WSB2: variants seen among roughly 807,000 people sequenced by gnomAD.
The protein encoded by WSB2 is WD repeat and SOCS box containing 2, also known as WD repeat and SOCS box-containing protein 2.
WSB2 carries 12 observed loss-of-function variants against 48.8 expected under a neutral mutation model. The ratio of observed to expected loss-of-function variants is 0.25; its 90% CI spans 0.16 to 0.40. WSB2 has a LOEUF of 0.40. Among genes scored for constraint, WSB2 ranks in the 10% least tolerant of loss-of-function variants. WSB2 has a pLI of 1.00. For missense variants in WSB2, 317 were observed against 506.2 expected, an observed-to-expected ratio of 0.63 and a Z score of 3.59; for synonymous variants, 191 against 203.1, an observed-to-expected ratio of 0.94 and a Z score of 0.51.
At chr12:118,039,540 T>C (rs1488507284) in intron 4 of WSB2, among the ~76,000 whole-genome samples, 1 of 151,938 alleles carries the variant, frequency 6.6e-6, no homozygotes, top group African/African-American at 2.4e-5. Context: ...TGGAAGGGTA[T>C]ATACTCCTAA....
In WSB2 at chr12:118,034,788, A is replaced by G; in HGVS notation, c.1052+198T>C. On this transcript the variant is annotated intron_variant, in intron 8 of 8. Coordinates refer to ENST00000315436, the MANE Select transcript of WSB2 (RefSeq NM_018639.5). ...AGGTGGCATGACTTACAGATCTTTA[A>G]TTACATTTAGGTTAAATATTCAGAG... is the stretch of plus-strand genomic sequence containing the variant. 5.1e-6 allele frequency: 3 copies of G among 585,966 alleles called. No homozygotes were observed. In the South Asian group the frequency reaches 7.2e-5, roughly 14 times the overall value. The allele number at this position is 585,966 out of a possible 1,614,324, so 36.3% of individuals were successfully genotyped here.
At position 118,061,097 on chromosome 12, in the gene WSB2, C is replaced by G. The variant is rs1215375128; in HGVS notation, c.-49G>C. ...GCAGGCGGCGGGCGCCTCAGCCCCC[C>G]GGGCCGCGGGCCCTCATGCCGCCCC... On this transcript the variant is annotated 5_prime_UTR_variant, in exon 1 of 9. Transcript: ENST00000315436. The G allele has an allele frequency of 1.4e-5, 14 of 980,668 alleles. No homozygotes were observed. Among genetic ancestry groups the G allele is most frequent in the Admixed American group, 6.3e-5 (1 of 15,768 alleles). 60.7% of individuals were successfully genotyped at this position (980,668 alleles called of 1,614,324 possible).
In WSB2 at chr12:118,042,560, A is replaced by G. The variant is rs1187377277; in HGVS notation, c.559+281T>C. 1.2e-5 allele frequency: 4 copies of G among 339,278 alleles called. No homozygotes were observed. In the South Asian group the frequency reaches 1.7e-4, roughly 15 times the overall value. The allele number at this position is 339,278 out of a possible 1,614,324, so 21.0% of individuals were successfully genotyped here. A position where few individuals can be genotyped will look rare whatever the true frequency, so the allele number is the denominator to read the frequency against. ...ACATTTTTTTACATACAAAGCATAG[A>G]CATGCATTCAGCACATAAGTAGATA... On this transcript the variant is annotated intron_variant, in intron 4 of 8. Transcript: ENST00000315436.
At chr12:118,056,712 C>G (rs1450219641) in intron 1 of WSB2, among the ~76,000 whole-genome samples, 2 of 152,096 alleles carry the variant, frequency 1.3e-5, no homozygotes, top group Non-Finnish European at 2.9e-5. Context: ...ACCAGCCTGG[C>G]CAACGTGGTG....
chr12:118,047,593 C>A (rs140869577), intron 2 of WSB2, among the ~76,000 whole-genome samples: 1 of 152,128 alleles, frequency 6.6e-6, no homozygotes, highest in Non-Finnish European at 1.5e-5. Context: ...CAGGGTGTGG[C>A]GGCTACGCCT....
intron 8 of WSB2, 170 bp from the exon 9 acceptor site, chr12:118,034,528 C>T: frequency 1.3e-6 from 1 of 744,714 alleles, no homozygotes; most frequent in Non-Finnish European, 2.1e-6. Flanking sequence ...ATAATTAAAG[C>T]TGCTGATAGG....
chr12:118,035,158 G>A lies in WSB2; in HGVS notation c.944+56C>T, dbSNP rs1008438807. 2.6e-5 allele frequency: 42 copies of A among 1,611,468 alleles called. No homozygotes were observed. The African/African-American group carries it at 5.5e-4, about 21-fold the overall frequency. On this transcript the variant is annotated intron_variant, in intron 7 of 8. Coordinates refer to ENST00000315436, the MANE Select transcript of WSB2 (RefSeq NM_018639.5). The stretch of plus-strand genomic sequence containing the variant: ...AGGGCCAGACCAAGAGGGCCTTGCT[G>A]CCATTACTTGCAAGCACTTGTTCTG...
chr12:118,039,416 C>A (rs189974491), intron 4 of WSB2, among the ~76,000 whole-genome samples: 2 of 152,134 alleles, frequency 1.3e-5, no homozygotes, highest in East Asian at 3.9e-4. Flanking sequence ...ATGAAAAATG[C>A]GAGATGCAGG....
At chr12:118,061,013 C>A in intron 1 of WSB2, 23 bp downstream of exon 1, 5 of 980,288 alleles carry the variant, frequency 5.1e-6, no homozygotes, top group Non-Finnish European at 6.1e-6. Context: ...CGGGCGGGAA[C>A]GGGCGCGCCC....
At position 118,042,854 on chromosome 12, in the gene WSB2, G is replaced by A; in HGVS notation, c.546C>T (p.Asp182=). ...CACTTCCCATACCGTGTTTATTCAG[G>A]TCCCAGATGCGAAGAGTCTTATCCC... ...ASRDKTLRIW[D]LNKHGKQIQV... is the part of the protein sequence containing the mutation. The change falls in exon 4 of 9, where the codon GAC becomes GAT. Residue 182 remains aspartate, a synonymous_variant. Coordinates refer to ENST00000315436, the MANE Select transcript of WSB2 (RefSeq NM_018639.5). 2 of 1,614,120 alleles carry A rather than the reference G, an allele frequency of 1.2e-6. No individual in the cohort carries two copies. The highest frequency in any genetic ancestry group is 2.2e-5 in the South Asian group (2 of 91,074).
intron 1 of WSB2, among the ~76,000 whole-genome samples, chr12:118,052,944 T>C (rs563120084): frequency 3.3e-5 from 5 of 152,248 alleles, no homozygotes; most frequent in Admixed American, 1.3e-4. Context: ...TCATCAAGGC[T>C]AAAAACGTTC....
chr12:118,041,602 T>C (rs1356646694), intron 4 of WSB2, among the ~76,000 whole-genome samples: 1 of 152,010 alleles, frequency 6.6e-6, no homozygotes, highest in Non-Finnish European at 1.5e-5. Context: ...GGCCTCTTCA[T>C]GACCCTCCTT....
chr12:118,056,478 A>G (rs1211414920), intron 1 of WSB2, among the ~76,000 whole-genome samples: 1 of 152,176 alleles, frequency 6.6e-6, no homozygotes, highest in Non-Finnish European at 1.5e-5. Context: ...CTCCACTAGG[A>G]TATCAACTCC....
At chr12:118,061,202 G>C (rs1208946191), upstream of WSB2, 10 of 983,532 alleles carry the variant, frequency 1.0e-5, no homozygotes, top group Non-Finnish European at 1.1e-5. Context: ...CGGTGGGCGC[G>C]GGCGGAGACG....
chr12:118,038,820 A>G (rs2031568483), intron 4 of WSB2, among the ~76,000 whole-genome samples: 1 of 152,170 alleles, frequency 6.6e-6, no homozygotes, highest in African/African-American at 2.4e-5. Context: ...AGCTGGGATT[A>G]CAGGGATGTG....
chr12:118,057,080 C>A (rs11068793), intron 1 of WSB2, among the ~76,000 whole-genome samples: 4,460 of 152,180 alleles, frequency 0.029, 208 homozygotes, highest in African/African-American at 0.1. Context: ...GAAGAACAAA[C>A]CCAGTGACTC....
At chr12:118,035,524 A>T (rs1357321580) in intron 6 of WSB2, among the ~76,000 whole-genome samples, 200 bp from the exon 7 acceptor site, 1 of 152,228 alleles carries the variant, frequency 6.6e-6, no homozygotes, top group Non-Finnish European at 1.5e-5. Context: ...CCTGTGGATG[A>T]AGGGTTACTA....
At chr12:118,054,933 C>T (rs993270482) in intron 1 of WSB2, among the ~76,000 whole-genome samples, 1 of 149,406 alleles carries the variant, frequency 6.7e-6, no homozygotes, top group African/African-American at 2.5e-5. Flanking sequence ...AATCCTAGCA[C>T]TTTGGTAGGC....
chr12:118,042,725 C>A, intron 4 of WSB2, 116 bp downstream of exon 4: 5 of 1,500,318 alleles, frequency 3.3e-6, no homozygotes, highest in Non-Finnish European at 4.5e-6. Flanking sequence ...CCTTAAGGGG[C>A]AATCACAGAA....
Sources: gnomAD v4.1 joint callset for allele counts (sites outside exome capture counted in the v4.1 genomes callset) on GRCh38, gnomAD v4.1.1 for gene constraint, MANE v1.5 for transcripts, NCBI Gene and HGNC (gene_info 2026-07-23, HGNC 2026-07-21) for gene names.